FSIP1: variants seen among roughly 807,000 people sequenced by gnomAD.
The protein encoded by FSIP1 is fibrous sheath-interacting protein 1.
Under a neutral mutation model 60.9 loss-of-function variants are expected in FSIP1, and 65 were observed. That is an observed-to-expected ratio of 1.07 (90% CI 0.87 to 1.31). FSIP1 has a LOEUF of 1.31. FSIP1 is among the 40% of genes most tolerant of loss of function. The pLI is 0.00. For synonymous variants in FSIP1, 209 were observed against 221.2 expected, an observed-to-expected ratio of 0.94 and a Z score of 0.49; for missense variants, 675 against 665.5, an observed-to-expected ratio of 1.01 and a Z score of -0.16.
At chr15:39,666,858 A>T (rs965374932) in intron 10 of FSIP1, among the ~76,000 whole-genome samples, 4 of 152,222 alleles carry the variant, frequency 2.6e-5, no homozygotes, top group African/African-American at 9.6e-5. Context: ...AGTTTCCTAT[A>T]AAAATAGATG....
chr15:39,669,911 T>G (rs1419789025), intron 10 of FSIP1, among the ~76,000 whole-genome samples: 3 of 152,216 alleles, frequency 2.0e-5, no homozygotes, highest in Admixed American at 6.5e-5. Context: ...TTTATACAAC[T>G]AGTGTCACTT....
At chr15:39,680,175 GA>G (rs908953781) in intron 10 of FSIP1, among the ~76,000 whole-genome samples, 11 of 151,038 alleles carry the variant, frequency 7.3e-5, no homozygotes, top group Middle Eastern at 3.4e-3. Context: ...AATAATGTAA[GA>G]AAAAAAATTC....
intron 11 of FSIP1, chr15:39,602,249 CG>C (rs775263619): frequency 5.2e-5 from 23 of 443,548 alleles, no homozygotes; most frequent in Non-Finnish European, 9.5e-5. Context: ...AATGTGAAGA[CG>C]GAGGCAGAGA....
intron 5 of FSIP1, among the ~76,000 whole-genome samples, chr15:39,757,375 G>A (rs569111088): frequency 7.2e-5 from 11 of 152,126 alleles, no homozygotes; most frequent in African/African-American, 2.6e-4. Flanking sequence ...CAAAAAATCC[G>A]TGGCATGAGG....
At chr15:39,746,999 G>GCTTCTCTC (rs1897017382) in intron 5 of FSIP1, among the ~76,000 whole-genome samples, 2 of 134,406 alleles carry the variant, frequency 1.5e-5, no homozygotes, top group Non-Finnish European at 3.1e-5. Context: ...TCCTGTTTGG[G>GCTTCTCTC]CTTCCCTCCT....
At chr15:39,717,171 A>G (rs1346262752) in intron 9 of FSIP1, among the ~76,000 whole-genome samples, 2 of 152,214 alleles carry the variant, frequency 1.3e-5, no homozygotes, top group African/African-American at 4.8e-5. Context: ...TTCAACTCCT[A>G]TGAATTTATC....
chr15:39,608,720 C>G (rs11070222), intron 11 of FSIP1, among the ~76,000 whole-genome samples: 33,379 of 152,018 alleles, frequency 0.22, 4,785 homozygotes, highest in African/African-American at 0.4. Context: ...GGAAGTTCTA[C>G]TCAGGAAGAT....
At chr15:39,603,447 T>C (rs75925236) in intron 11 of FSIP1, among the ~76,000 whole-genome samples, 27,427 of 152,222 alleles carry the variant, frequency 0.18, 2,895 homozygotes, top group African/African-American at 0.27. Context: ...GAGGCAGCAC[T>C]GGCTAAGGAA....
At chr15:39,635,535 G>A (rs921076430) in intron 10 of FSIP1, among the ~76,000 whole-genome samples, 1 of 152,118 alleles carries the variant, frequency 6.6e-6, no homozygotes, top group Non-Finnish European at 1.5e-5. Context: ...CCATGTAAGG[G>A]ATGTTGGGCT....
At chr15:39,630,861 A>T (rs1451965955) in intron 10 of FSIP1, among the ~76,000 whole-genome samples, 2 of 152,188 alleles carry the variant, frequency 1.3e-5, no homozygotes, top group Non-Finnish European at 2.9e-5. Context: ...TCTATCCGGC[A>T]TCTGAAAATG....
intron 2 of FSIP1, among the ~76,000 whole-genome samples, chr15:39,771,301 G>A (rs1302345900): frequency 1.3e-5 from 2 of 152,142 alleles, no homozygotes; most frequent in African/African-American, 2.4e-5. Context: ...AGACCTTAAA[G>A]AGAGAGAGTC....
rs999453367 is a variant in FSIP1 at position 39,738,298 on chromosome 15, C to A, written c.781-97G>T. ...CTGAGACTTCTACACTACAGATACA[C>A]AAAGAAAAGTTGCAAGATTAGGCAT... On this transcript the variant is annotated intron_variant, in intron 7 of 11. Transcript: ENST00000350221. The A allele has an allele frequency of 5.1e-5, 37 of 724,124 alleles. No individual in the cohort carries two copies. The East Asian group carries it at 9.4e-4, about 18-fold the overall frequency. 44.9% of individuals were successfully genotyped at this position (724,124 alleles called of 1,614,324 possible).
chr15:39,713,538 C>G lies in FSIP1; in HGVS notation c.1094G>C (p.Gly365Ala), dbSNP rs1297614432. The change falls in exon 10 of 12, where the codon GGA becomes GCA. Residue 365 changes from glycine (G) to alanine (A), a missense_variant. Transcript: ENST00000350221. ...TTTGGTGTTCCTAAGTATCTTTTCT[C>G]CTGGAGTTACTTCCATATTTCTTTC... The part of the protein sequence containing the change: ...DGERNMEVTP[G>A]EKILRNTKEQ... 6.2e-7 allele frequency: 1 copy of G among 1,607,940 alleles called. No homozygotes were observed.
chr15:39,723,916 T>C (rs549581065), intron 9 of FSIP1, among the ~76,000 whole-genome samples: 1 of 152,368 alleles, frequency 6.6e-6, no homozygotes, highest in South Asian at 2.1e-4. Flanking sequence ...CAATGTGTAA[T>C]GCTGGTTTTA....
chr15:39,675,323 T>C (rs1471430085), intron 10 of FSIP1, among the ~76,000 whole-genome samples: 1 of 152,186 alleles, frequency 6.6e-6, no homozygotes, highest in East Asian at 1.9e-4. Flanking sequence ...CTCTGTGCCA[T>C]TCCTCTGTGA....
At chr15:39,623,588 G>A (rs1455015180) in intron 10 of FSIP1, among the ~76,000 whole-genome samples, 1 of 152,142 alleles carries the variant, frequency 6.6e-6, no homozygotes, top group East Asian at 1.9e-4. Context: ...GCTCTCTATT[G>A]CAACCACTAC....
At chr15:39,627,661 C>G (rs895579840) in intron 10 of FSIP1, among the ~76,000 whole-genome samples, 3 of 152,108 alleles carry the variant, frequency 2.0e-5, no homozygotes, top group African/African-American at 7.2e-5. Flanking sequence ...ATGTGTCCCA[C>G]AAGTCACCCA....
chr15:39,770,394 T>C (rs1483870509), intron 3 of FSIP1, 33 bp downstream of exon 3: 9 of 1,416,230 alleles, frequency 6.4e-6, no homozygotes, highest in Non-Finnish European at 8.6e-6. Flanking sequence ...CATTTGTAAT[T>C]ATCATTAGCC....
chr15:39,776,279 G>A (rs1898061495), intron 2 of FSIP1, 120 bp downstream of exon 2: 1 of 804,612 alleles, frequency 1.2e-6, no homozygotes, highest in East Asian at 2.9e-5. Context: ...ATCTGCAAGT[G>A]CTCCCCAAAC....
Sources: gnomAD v4.1 joint callset for allele counts (sites outside exome capture counted in the v4.1 genomes callset) on GRCh38, gnomAD v4.1.1 for gene constraint, MANE v1.5 for transcripts, NCBI Gene and HGNC (gene_info 2026-07-23, HGNC 2026-07-21) for gene names.